SUMF1: variants seen among roughly 807,000 people sequenced by gnomAD.
SUMF1 encodes the protein formylglycine-generating enzyme.
In SUMF1, 48 loss-of-function variants were observed where a neutral mutation model predicts 47.6. That is an observed-to-expected ratio of 1.01 (90% CI 0.80 to 1.28). The LOEUF (loss-of-function observed/expected upper bound fraction) is 1.28, where lower values mean the gene tolerates loss of function less well. Among genes scored for constraint, SUMF1 ranks in the 50% most tolerant of loss-of-function variants. SUMF1 has a pLI of 0.00. For missense variants in SUMF1, 571 were observed against 485.4 expected (o/e 1.18, Z -1.66); for synonymous variants, 230 against 192.1 (o/e 1.20, Z -1.63).
intron 8 of SUMF1, chr3:4,316,221 A>G (rs1176515169): frequency 1.4e-6 from 1 of 703,564 alleles, no homozygotes; most frequent in African/African-American, 1.7e-5. Flanking sequence ...GACTATGAAA[A>G]TGATGTTAGA....
At chr3:4,258,696 T>A (rs1331937962) in intron 8 of SUMF1, among the ~76,000 whole-genome samples, 12 of 149,046 alleles carry the variant, frequency 8.1e-5, no homozygotes, top group Admixed American at 8.0e-4. Context: ...ATTGTGGAAG[T>A]CAGTGTGGTG....
chr3:4,052,004 T>A (rs1337697159), intron 9 of SUMF1, among the ~76,000 whole-genome samples: 1 of 152,128 alleles, frequency 6.6e-6, no homozygotes, highest in Admixed American at 6.6e-5. Context: ...TCTATCTTCA[T>A]AGCAACCTGT....
chr3:4,048,541 C>A (rs1695047069), intron 9 of SUMF1, among the ~76,000 whole-genome samples: 1 of 151,862 alleles, frequency 6.6e-6, no homozygotes, highest in African/African-American at 2.4e-5. Context: ...AAATAATTCC[C>A]CCTGTTATAA....
intron 3 of SUMF1, among the ~76,000 whole-genome samples, chr3:4,432,217 A>T (rs1014238620): frequency 2.6e-5 from 4 of 151,172 alleles, no homozygotes; most frequent in Non-Finnish European, 5.9e-5. Flanking sequence ...GGGCATCACC[A>T]TCTCCCCAAA....
intron 8 of SUMF1, among the ~76,000 whole-genome samples, chr3:4,325,044 C>A (rs1416409024): frequency 6.6e-6 from 1 of 152,090 alleles, no homozygotes; most frequent in Non-Finnish European, 1.5e-5. Context: ...CTCTCCCTTA[C>A]AAAACCATCA....
chr3:4,141,341 A>G (rs1694066474), intron 8 of SUMF1, among the ~76,000 whole-genome samples: 1 of 152,138 alleles, frequency 6.6e-6, no homozygotes, highest in Non-Finnish European at 1.5e-5. Flanking sequence ...GGGGAGAAGA[A>G]ATTGAAATCC....
chr3:4,086,740 G>A (rs550573040), intron 8 of SUMF1, among the ~76,000 whole-genome samples: 3 of 152,154 alleles, frequency 2.0e-5, no homozygotes, highest in African/African-American at 7.2e-5. Context: ...GGGATCCAGT[G>A]GAAGATAATT....
chr3:4,040,855 C>T (rs1042462628), intron 9 of SUMF1, among the ~76,000 whole-genome samples: 2 of 152,138 alleles, frequency 1.3e-5, no homozygotes, highest in African/African-American at 4.8e-5. Flanking sequence ...TTTTATTGAA[C>T]TCTTTATGGA....
chr3:4,198,143 T>A (rs960308568), intron 8 of SUMF1, among the ~76,000 whole-genome samples: 3 of 151,920 alleles, frequency 2.0e-5, no homozygotes, highest in Non-Finnish European at 4.4e-5. Flanking sequence ...CTAAGAGGTA[T>A]GTTTCTCTCC....
chr3:4,191,627 T>C (rs1477395569), intron 8 of SUMF1, among the ~76,000 whole-genome samples: 1 of 152,076 alleles, frequency 6.6e-6, no homozygotes, highest in African/African-American at 2.4e-5. Context: ...AGCTTTGGGA[T>C]ATATTTAGGC....
intron 8 of SUMF1, among the ~76,000 whole-genome samples, chr3:4,214,906 A>T (rs183330640): frequency 1.3e-5 from 2 of 152,324 alleles, no homozygotes; most frequent in Non-Finnish European, 2.9e-5. Context: ...AGTAATTAAT[A>T]GCCCACCAAC....
intron 8 of SUMF1, among the ~76,000 whole-genome samples, chr3:4,187,676 A>T (rs1380818912): frequency 6.6e-6 from 1 of 152,188 alleles, no homozygotes; most frequent in African/African-American, 2.4e-5. Context: ...TATTCTCACT[A>T]ACTACAGGTA....
chr3:4,198,030 C>T (rs1168068179), intron 8 of SUMF1, among the ~76,000 whole-genome samples: 17 of 134,538 alleles, frequency 1.3e-4, no homozygotes, highest in African/African-American at 2.7e-4. Flanking sequence ...TTGTTTTAGG[C>T]TTTTTTTTTT....
At chr3:4,333,295 G>C (rs1699083973) in intron 8 of SUMF1, among the ~76,000 whole-genome samples, 2 of 152,172 alleles carry the variant, frequency 1.3e-5, no homozygotes, top group Non-Finnish European at 2.9e-5. Context: ...TCCTGCACCT[G>C]TCTGTCTGCA....
At chr3:4,132,214 G>C (rs1693808659) in intron 8 of SUMF1, among the ~76,000 whole-genome samples, 1 of 152,072 alleles carries the variant, frequency 6.6e-6, no homozygotes, top group Non-Finnish European at 1.5e-5. Context: ...CTCACAGAAC[G>C]CCTCACCTAC....
At chr3:4,228,437 A>C (rs1204786788) in intron 8 of SUMF1, among the ~76,000 whole-genome samples, 1 of 151,904 alleles carries the variant, frequency 6.6e-6, no homozygotes, top group Non-Finnish European at 1.5e-5. Flanking sequence ...GTGACAGAAT[A>C]CTCAGGGTAG....
intron 7 of SUMF1, among the ~76,000 whole-genome samples, chr3:4,391,831 CTTTT>C (rs71053409): frequency 4.2e-5 from 6 of 141,460 alleles, no homozygotes; most frequent in Admixed American, 7.0e-5. Flanking sequence ...CTTTTCTTTT[CTTTT>C]TTTTTTTTTT....
At chr3:4,352,784 T>G (rs1224303838) in intron 8 of SUMF1, among the ~76,000 whole-genome samples, 1 of 150,388 alleles carries the variant, frequency 6.6e-6, no homozygotes. Context: ...GGGCCATCTG[T>G]CTGTGAAGGG....
chr3:4,132,942 G>C (rs1693826576), intron 8 of SUMF1, among the ~76,000 whole-genome samples: 1 of 152,024 alleles, frequency 6.6e-6, no homozygotes, highest in African/African-American at 2.4e-5. Context: ...GACGACAAAT[G>C]GCCCACACCC....
Sources: allele counts gnomAD v4.1 joint callset (sites outside exome capture counted in the v4.1 genomes callset), GRCh38; gene constraint gnomAD v4.1.1; transcripts MANE v1.5; gene names NCBI Gene and HGNC (gene_info 2026-07-23, HGNC 2026-07-21).